Variants in KANK4 observed in about 807,000 individuals in gnomAD.
The protein encoded by KANK4 is KN motif and ankyrin repeat domains 4, also known as KN motif and ankyrin repeat domain-containing protein 4.
A neutral mutation model predicts 80.8 loss-of-function variants in KANK4; 50 were observed. The observed-to-expected ratio is 0.62, with a 90% CI of 0.49 to 0.78. KANK4 has a LOEUF of 0.78. Among genes scored for constraint, KANK4 ranks in the 30% least tolerant of loss-of-function variants. KANK4 has a pLI of 0.00. For synonymous variants in KANK4, 465 were observed against 506.9 expected (o/e 0.92, Z 1.11); for missense variants, 1,196 against 1,240.1 (o/e 0.96, Z 0.53).
Position 62,247,626 on chromosome 1 carries a change from T to A in KANK4, c.2729A>T (p.Asp910Val). 6.2e-7 allele frequency: 1 copy of A among 1,613,980 alleles called. No individual in the cohort carries two copies. The highest frequency in any genetic ancestry group is 1.1e-5 in the South Asian group (1 of 91,080). ...LMLGVSHDRE[D>V]MVQALLSCQA... is the part of the protein sequence containing the mutation. ...GCAGCTAAGCAGCGCTTGAACCATG[T>A]CCTCCCTGTCGTGGCTGACTCCCAG... The change falls in exon 9 of 10, where the codon GAC (aspartate) becomes GTC (valine). Residue 910 changes from aspartate to valine, a missense_variant. Transcript: ENST00000371153.
chr1:62,271,460 T>TAAG lies in KANK4; in HGVS notation c.2012+17_2012+18insCTT. On this transcript the variant is annotated intron_variant, in intron 4 of 9. Transcript: ENST00000371153. Reference sequence around the variant, plus strand: ...AGGTAGCAAGAAAGGCAGTCTGAGCTTCACAAGCGATGCTTACCCACCGTT... The same window carrying TAAG: ...AGGTAGCAAGAAAGGCAGTCTGAGCTAAGTCACAAGCGATGCTTACCCACCGTT... 6.5e-7 allele frequency: 1 copy of TAAG among 1,540,372 alleles called. No individual in the cohort carries two copies. Among genetic ancestry groups the TAAG allele is most frequent in the South Asian group, 1.1e-5 (1 of 89,566 alleles).
At chr1:62,252,523 A>G (rs1671647059) in intron 8 of KANK4, among the ~76,000 whole-genome samples, 1 of 152,242 alleles carries the variant, frequency 6.6e-6, no homozygotes, top group Non-Finnish European at 1.5e-5. Flanking sequence ...TGAGGCCTGG[A>G]AAGTGGGAAT....
chr1:62,265,018 A>C (rs770790512), intron 6 of KANK4, among the ~76,000 whole-genome samples: 2 of 152,112 alleles, frequency 1.3e-5, no homozygotes, highest in Non-Finnish European at 2.9e-5. Flanking sequence ...TTTAGTAGAG[A>C]CAGGGTTTTG....
At chr1:62,290,549 A>G (rs1388021005) in intron 1 of KANK4, among the ~76,000 whole-genome samples, 1 of 152,214 alleles carries the variant, frequency 6.6e-6, no homozygotes, top group Admixed American at 6.5e-5. Context: ...AGGATATAAT[A>G]AACACTCAAT....
chr1:62,267,915 C>T (rs1238004973), intron 5 of KANK4, among the ~76,000 whole-genome samples: 1 of 152,164 alleles, frequency 6.6e-6, no homozygotes, highest in Non-Finnish European at 1.5e-5. Flanking sequence ...ATTCTGCTAG[C>T]TGCGTCCCCA....
intron 1 of KANK4, among the ~76,000 whole-genome samples, chr1:62,309,800 C>T (rs1340331360): frequency 2.0e-5 from 3 of 152,138 alleles, no homozygotes; most frequent in Non-Finnish European, 4.4e-5. Context: ...CCAGGTAACA[C>T]ATCTACATTT....
intron 8 of KANK4, among the ~76,000 whole-genome samples, chr1:62,249,358 G>A (rs965919810): frequency 1.8e-4 from 16 of 90,876 alleles, no homozygotes; most frequent in African/African-American, 5.2e-4. Context: ...GTGTGTGTGC[G>A]TGTGTGTATA....
chr1:62,294,749 A>G (rs1644347263), intron 1 of KANK4, among the ~76,000 whole-genome samples: 1 of 152,202 alleles, frequency 6.6e-6, no homozygotes, highest in African/African-American at 2.4e-5. Flanking sequence ...CAAGAAGCGG[A>G]CATGTGTGAT....
intron 8 of KANK4, among the ~76,000 whole-genome samples, chr1:62,249,771 G>T (rs1048593136): frequency 6.6e-6 from 1 of 151,980 alleles, no homozygotes; most frequent in African/African-American, 2.4e-5. Flanking sequence ...TTGAACTCCT[G>T]ACCTCAGGTG....
intron 4 of KANK4, among the ~76,000 whole-genome samples, chr1:62,270,218 C>T (rs1243608771): frequency 6.6e-6 from 1 of 152,030 alleles, no homozygotes; most frequent in Non-Finnish European, 1.5e-5. Context: ...CCATTGGGGG[C>T]GTTTCAGCTG....
In KANK4 at chr1:62,274,023, C is replaced by G. The variant is rs773225905; in HGVS notation, c.1081G>C (p.Glu361Gln). The change falls in exon 3 of 10, where the codon GAG becomes CAG. Residue 361 changes from glutamate (E) to glutamine (Q), a missense_variant. Glu to Gln is a conservative substitution (Grantham distance 29). Around this residue, in one of 3 missense-constraint regions of KANK4, gnomAD observed 1,154 missense variants for 1,179.6 expected, o/e 0.98. Coordinates refer to ENST00000371153, the MANE Select transcript of KANK4 (RefSeq NM_181712.5). ...GCAGTTCTGACCTGTGCCAGTTCCTCGGTTCTTCCAGACAACTCTCCCTCC... is the reference window on the plus strand; with the variant it reads ...GCAGTTCTGACCTGTGCCAGTTCCTGGGTTCTTCCAGACAACTCTCCCTCC... Reference protein sequence around the residue: ...ALEGELSGRTEELAQVRTALQ... With the variant: ...ALEGELSGRTQELAQVRTALQ... 6.2e-7 allele frequency: 1 copy of G among 1,614,210 alleles called. No individual in the cohort carries two copies. Among genetic ancestry groups the G allele is most frequent in the East Asian group, 2.2e-5 (1 of 44,876 alleles).
intron 8 of KANK4, among the ~76,000 whole-genome samples, chr1:62,247,956 C>T (rs760333276): frequency 7.9e-5 from 12 of 152,118 alleles, no homozygotes; most frequent in Non-Finnish European, 1.0e-4. Flanking sequence ...CTCTTTCTCA[C>T]GGATTGTGAC....
chr1:62,245,994 C>T lies in KANK4; in HGVS notation c.2883+1478G>A, dbSNP rs552435229. Among the ~76,000 whole-genome samples, 8 of 152,184 alleles carry T rather than the reference C, an allele frequency of 5.3e-5. No individual in the cohort carries two copies. The South Asian group carries it at 1.0e-3, about 20-fold the overall frequency. The stretch of plus-strand genomic sequence containing the variant: ...TATGGGCCCAGGAGTTTAATGGAGC[C>T]GGGTTCCACTAGCTGAGTAATCTTG... On this transcript the variant is annotated intron_variant, in intron 9 of 9. Transcript: ENST00000371153.
chr1:62,290,298 T>A (rs952463356), intron 1 of KANK4, among the ~76,000 whole-genome samples: 10 of 152,188 alleles, frequency 6.6e-5, no homozygotes, highest in Non-Finnish European at 1.2e-4. Context: ...TCCTGTTTAA[T>A]TCTCCCTTCA....
intron 1 of KANK4, among the ~76,000 whole-genome samples, chr1:62,312,390 T>G (rs1644504493): frequency 6.6e-6 from 1 of 152,198 alleles, no homozygotes; most frequent in Non-Finnish European, 1.5e-5. Flanking sequence ...TAAATAAAGA[T>G]GCTTTTTTTC....
At chr1:62,307,162 C>G (rs1484722669) in intron 1 of KANK4, among the ~76,000 whole-genome samples, 4 of 152,096 alleles carry the variant, frequency 2.6e-5, no homozygotes, top group South Asian at 2.1e-4. Flanking sequence ...TTTGCCCCAC[C>G]TAACTGCTTC....
chr1:62,257,414 T>C (rs987332079), intron 7 of KANK4, among the ~76,000 whole-genome samples: 2 of 152,196 alleles, frequency 1.3e-5, no homozygotes, highest in Non-Finnish European at 2.9e-5. Context: ...TAGAAGATAC[T>C]TCAGAGCAGC....
At chr1:62,292,109 C>T (rs61553333) in intron 1 of KANK4, among the ~76,000 whole-genome samples, 6,672 of 152,158 alleles carry the variant, frequency 0.044, 468 homozygotes, top group African/African-American at 0.15. Flanking sequence ...ATAGATTTGC[C>T]GATTGAGGAC....
rs1570945933 is a variant in KANK4 at position 62,236,302 on chromosome 1, C to G, written c.*1975G>C. Among the ~76,000 whole-genome samples the G allele has an allele frequency of 6.6e-6, 1 of 152,210 alleles. No homozygotes were observed. The highest frequency in any genetic ancestry group is 2.4e-5 in the African/African-American group (1 of 41,448). ...CAGAATCTCAGGCCCCACCCCAGAC[C>G]TACTGCCTTCTAACAAGATCCCAGG... On this transcript the variant is annotated 3_prime_UTR_variant, in exon 10 of 10. Transcript: ENST00000371153.
Sources: allele counts gnomAD v4.1 joint callset (sites outside exome capture counted in the v4.1 genomes callset), GRCh38; gene constraint gnomAD v4.1.1; regional missense constraint gnomAD v4.1.1; transcripts MANE v1.5; gene names NCBI Gene and HGNC (gene_info 2026-07-23, HGNC 2026-07-21).